Variants in XPR1 observed in about 807,000 individuals in gnomAD.
The protein encoded by XPR1 is solute carrier family 53 member 1.
In XPR1, 28 loss-of-function variants were observed where a neutral mutation model predicts 87.5. The observed-to-expected ratio is 0.32, with a 90% CI of 0.24 to 0.44. The LOEUF (loss-of-function observed/expected upper bound fraction) is 0.44. XPR1 is among the 20% of genes least tolerant of loss of function. XPR1 has a pLI of 1.00. For synonymous variants in XPR1, 300 were observed against 306.1 expected (o/e 0.98, Z 0.21); for missense variants, 559 against 862.3 (o/e 0.65, Z 4.41).
chr1:180,694,559 A>G (rs1410009399), intron 2 of XPR1, among the ~76,000 whole-genome samples: 2 of 152,172 alleles, frequency 1.3e-5, no homozygotes, highest in Non-Finnish European at 1.5e-5. Context: ...TATTTCTGAT[A>G]TCCTTCCTGG....
intron 11 of XPR1, among the ~76,000 whole-genome samples, chr1:180,855,153 C>T (rs1236812761): frequency 1.3e-5 from 2 of 151,942 alleles, no homozygotes; most frequent in Non-Finnish European, 2.9e-5. Context: ...TTGCTCTACT[C>T]TAAAGTTAAA....
chr1:180,752,140 A>G (rs1039392051), intron 2 of XPR1, among the ~76,000 whole-genome samples: 5 of 152,162 alleles, frequency 3.3e-5, no homozygotes, highest in Admixed American at 6.5e-5. Flanking sequence ...TATGGCATGA[A>G]TTGACACTCA....
intron 2 of XPR1, among the ~76,000 whole-genome samples, chr1:180,736,433 T>C (rs931095239): frequency 9.2e-5 from 14 of 152,186 alleles, no homozygotes; most frequent in African/African-American, 3.1e-4. Context: ...TTCAGATACA[T>C]TGTTTTACAA....
Position 180,750,985 on chromosome 1 carries a change from T to A in XPR1, c.122-36768T>A, listed in dbSNP as rs1193164101. Among the ~76,000 whole-genome samples, 6 of 152,198 alleles carry A rather than the reference T, an allele frequency of 3.9e-5. No individual in the cohort carries two copies. In the East Asian group the frequency reaches 1.2e-3, roughly 29 times the overall value. ...CCACATACAGATCTTGCACATATGT[T>A]GCTAAATTTATCCTTATTTCATATA... On this transcript the variant is annotated intron_variant, in intron 2 of 14. Transcript: ENST00000367590.
Position 180,739,255 on chromosome 1 carries a change from A to G in XPR1, c.122-48498A>G, listed in dbSNP as rs764952683. Reference sequence around the variant, plus strand: ...AGTTTATATGTCTGTTCCTTTGCCAAATACCACAGTGCCCACTTTGTCTTA... The same window carrying G: ...AGTTTATATGTCTGTTCCTTTGCCAGATACCACAGTGCCCACTTTGTCTTA... On this transcript the variant is annotated intron_variant, in intron 2 of 14. Transcript: ENST00000367590. 3.3e-5 allele frequency among the ~76,000 whole-genome samples: 5 copies of G among 152,188 alleles called. No individual in the cohort carries two copies. In the East Asian group the frequency reaches 9.6e-4, roughly 29 times the overall value.
chr1:180,761,401 G>A (rs185942667), intron 2 of XPR1, among the ~76,000 whole-genome samples: 1,661 of 152,030 alleles, frequency 0.011, 37 homozygotes, highest in African/African-American at 0.037. Context: ...CAGAATCTAC[G>A]ATGAACTCAA....
chr1:180,824,592 G>GA (rs1558026448), intron 7 of XPR1, among the ~76,000 whole-genome samples, 161 bp from the exon 8 acceptor site: 17 of 149,848 alleles, frequency 1.1e-4, no homozygotes, highest in African/African-American at 4.3e-4. Flanking sequence ...AAATAAATAG[G>GA]TAGATAGATA....
intron 2 of XPR1, among the ~76,000 whole-genome samples, chr1:180,719,738 G>A (rs1286239025): frequency 6.6e-6 from 1 of 152,058 alleles, no homozygotes; most frequent in Non-Finnish European, 1.5e-5. Flanking sequence ...TTTGTGTTGC[G>A]AGCATCTTAA....
At chr1:180,740,819 T>G (rs1033397150) in intron 2 of XPR1, among the ~76,000 whole-genome samples, 1 of 152,150 alleles carries the variant, frequency 6.6e-6, no homozygotes, top group Non-Finnish European at 1.5e-5. Context: ...AATTCTTAGG[T>G]CAAAGCATCA....
chr1:180,789,914 A>G (rs963198193), intron 3 of XPR1, among the ~76,000 whole-genome samples: 6 of 152,242 alleles, frequency 3.9e-5, no homozygotes, highest in African/African-American at 1.2e-4. Context: ...TTGTTGTTGC[A>G]CCTGTAACTG....
In XPR1 at chr1:180,806,123, C is replaced by T. The variant is rs767397705; in HGVS notation, c.509C>T (p.Ser170Phe). Residue 170 changes from serine to phenylalanine, a missense_variant, in exon 5 of 15, where the codon TCT becomes TTT. Coordinates refer to ENST00000367590, the MANE Select transcript of XPR1 (RefSeq NM_004736.4). ...AAGCATGACAAGATCCTGGAAACAT[C>T]TCGTGGAGCAGATTGGCGAGTGGCT... ...LKKHDKILET[S>F]RGADWRVAHV... 8 of 1,613,890 alleles carry T rather than the reference C, an allele frequency of 5.0e-6. No individual in the cohort carries two copies. The highest frequency in any genetic ancestry group is 6.8e-6 in the Non-Finnish European group (8 of 1,179,868).
chr1:180,833,312 A>G (rs1337592037), intron 9 of XPR1, among the ~76,000 whole-genome samples: 3 of 152,224 alleles, frequency 2.0e-5, no homozygotes, highest in East Asian at 1.9e-4. Context: ...GACAGCATCA[A>G]ATTCACACAT....
intron 7 of XPR1, 67 bp downstream of exon 7, chr1:180,811,555 G>T: frequency 7.6e-7 from 1 of 1,315,144 alleles, no homozygotes. Context: ...CTGCCCCTCT[G>T]TAAGGAATTA....
intron 2 of XPR1, among the ~76,000 whole-genome samples, chr1:180,747,509 C>T (rs12064145): frequency 0.07 from 10,591 of 151,996 alleles, 1,226 homozygotes; most frequent in African/African-American, 0.24. Flanking sequence ...AGAAATTATC[C>T]GTTATTTATT....
chr1:180,687,914 A>T (rs1656840361), intron 2 of XPR1, among the ~76,000 whole-genome samples: 1 of 151,612 alleles, frequency 6.6e-6, no homozygotes, highest in Non-Finnish European at 1.5e-5. Context: ...GGTATTTCTG[A>T]TATAATTCTG....
At chr1:180,694,481 G>A (rs1482226838) in intron 2 of XPR1, among the ~76,000 whole-genome samples, 1 of 152,098 alleles carries the variant, frequency 6.6e-6, no homozygotes, top group South Asian at 2.1e-4. Flanking sequence ...ATATAGTAAA[G>A]GACCATTTAT....
At chr1:180,787,154 A>G (rs1649177390) in intron 2 of XPR1, among the ~76,000 whole-genome samples, 1 of 152,120 alleles carries the variant, frequency 6.6e-6, no homozygotes, top group African/African-American at 2.4e-5. Context: ...TTCTGTCTAC[A>G]GTTTTTTTTC....
intron 2 of XPR1, among the ~76,000 whole-genome samples, chr1:180,704,856 A>G (rs1201256252): frequency 1.6e-5 from 2 of 127,892 alleles, no homozygotes; most frequent in African/African-American, 2.9e-5. Flanking sequence ...TAATCATGGA[A>G]TCTTACTTCC....
chr1:180,787,991 AGCTG>A (rs1649220474), intron 3 of XPR1, 137 bp downstream of exon 3: 9 of 659,532 alleles, frequency 1.4e-5, no homozygotes, highest in Non-Finnish European at 2.4e-5. Context: ...GATTTTCTTG[AGCTG>A]GGATAAGAAC....
Sources: allele counts gnomAD v4.1 joint callset (sites outside exome capture counted in the v4.1 genomes callset), GRCh38; gene constraint gnomAD v4.1.1; transcripts MANE v1.5; gene names NCBI Gene and HGNC (gene_info 2026-07-23, HGNC 2026-07-21).